The following EXOC4 variants were observed in gnomAD, a reference collection of about 807,000 sequenced individuals.
EXOC4 encodes SEC8-like 1.
Under a neutral mutation model 107.2 loss-of-function variants are expected in EXOC4, and 71 were observed. That is an observed-to-expected ratio of 0.66 (90% CI 0.55 to 0.81). EXOC4 has a LOEUF of 0.81. Ranked by LOEUF, EXOC4 falls within the 30% of genes least tolerant of loss-of-function variation. The probability of loss-of-function intolerance (pLI) is 0.00; values close to 1 mark genes in which losing one functional copy is unlikely to be tolerated. For synonymous variants in EXOC4, 456 were observed against 441.2 expected (o/e 1.03, Z -0.42); for missense variants, 1,108 against 1,189.6 (o/e 0.93, Z 1.01).
chr7:133,456,730 A>G (rs571961612), intron 7 of EXOC4, among the ~76,000 whole-genome samples: 13 of 152,294 alleles, frequency 8.5e-5, no homozygotes, highest in South Asian at 2.1e-4. Flanking sequence ...GATGAAGGAC[A>G]TGATAGGTGG....
chr7:133,684,560 C>A (rs1794254647), intron 10 of EXOC4, among the ~76,000 whole-genome samples: 1 of 152,032 alleles, frequency 6.6e-6, no homozygotes, highest in Non-Finnish European at 1.5e-5. Flanking sequence ...GAAAGGACCC[C>A]ATAAAAAGAA....
intron 13 of EXOC4, among the ~76,000 whole-genome samples, chr7:133,935,703 T>G (rs866935069): frequency 5.3e-5 from 8 of 152,198 alleles, no homozygotes; most frequent in Admixed American, 2.6e-4. Context: ...CACTGTGTTA[T>G]GCACTTAAAA....
In EXOC4 at chr7:133,337,403, CT is replaced by C. The variant is rs1217812436; in HGVS notation, c.764-18920del. Among the ~76,000 whole-genome samples, 9 of 152,150 alleles carry C rather than the reference CT, an allele frequency of 5.9e-5. No homozygotes were observed. In the South Asian group the frequency reaches 1.7e-3, roughly 28 times the overall value. ...TGTTTGGTACTGTTCAACATTTTCA[CT>C]TTTTTTCTTATAATTTTTTCTGTGT... On this transcript the variant is annotated intron_variant, in intron 5 of 17. Coordinates refer to ENST00000253861, the MANE Select transcript of EXOC4 (RefSeq NM_021807.4).
chr7:133,481,051 AAAAAAG>A (rs1265493095), intron 9 of EXOC4: 15 of 80,256 alleles, frequency 1.9e-4, no homozygotes, highest in African/African-American at 5.3e-4. Flanking sequence ...CCATGTCTCA[AAAAAAG>A]AAAAAAAAAA....
chr7:133,858,111 G>C (rs1798457173), intron 11 of EXOC4, among the ~76,000 whole-genome samples: 1 of 152,194 alleles, frequency 6.6e-6, no homozygotes, highest in Non-Finnish European at 1.5e-5. Context: ...ATCGTCCGCA[G>C]CTCAAGGAGC....
chr7:133,870,467 T>C (rs1477149312), intron 11 of EXOC4, among the ~76,000 whole-genome samples: 1 of 152,240 alleles, frequency 6.6e-6, no homozygotes, highest in African/African-American at 2.4e-5. Flanking sequence ...GAGCTGTCTG[T>C]GCAAATTTTT....
rs1018943703 is a variant in EXOC4 at position 134,065,094 on chromosome 7, T to C, written c.*566T>C. ...AAACTTCCCTAACCAAAACAGAACC[T>C]CTAATTTAGGGCTAGGAATAGAAGT... On this transcript the variant is annotated 3_prime_UTR_variant, in exon 18 of 18. Coordinates refer to ENST00000253861, the MANE Select transcript of EXOC4 (RefSeq NM_021807.4). The C allele has an allele frequency of 3.9e-5, 6 of 152,554 alleles. No individual in the cohort carries two copies. Among genetic ancestry groups the C allele is most frequent in the African/African-American group, 7.2e-5 (3 of 41,432 alleles). 9.5% of individuals were successfully genotyped at this position (152,554 alleles called of 1,614,324 possible).
At chr7:134,004,794 G>A (rs999832954) in intron 15 of EXOC4, 118 bp from the exon 16 acceptor site, 1 of 811,380 alleles carries the variant, frequency 1.2e-6, no homozygotes, top group South Asian at 1.9e-5. Context: ...GGCTATCATG[G>A]CTAGTCTTAC....
intron 11 of EXOC4, among the ~76,000 whole-genome samples, chr7:133,881,947 C>T (rs1798975044): frequency 6.6e-6 from 1 of 152,134 alleles, no homozygotes; most frequent in Admixed American, 6.5e-5. Context: ...AAAATTGAGG[C>T]TTAACCTGCA....
chr7:133,931,216 A>T (rs1236398198), intron 13 of EXOC4, among the ~76,000 whole-genome samples: 1 of 152,122 alleles, frequency 6.6e-6, no homozygotes, highest in Admixed American at 6.5e-5. Context: ...AAGGTTAATG[A>T]CCAGGGTGCC....
intron 6 of EXOC4, among the ~76,000 whole-genome samples, chr7:133,372,686 T>C (rs1796404230): frequency 6.6e-6 from 1 of 152,190 alleles, no homozygotes; most frequent in Non-Finnish European, 1.5e-5. Context: ...GGAGCCACTT[T>C]TCTGTTAAAA....
chr7:133,882,051 G>A (rs183672200), intron 11 of EXOC4, among the ~76,000 whole-genome samples: 47 of 152,082 alleles, frequency 3.1e-4, no homozygotes, highest in Non-Finnish European at 5.9e-4. Flanking sequence ...TTGTCTCACC[G>A]TGTATTAGCT....
chr7:133,565,125 A>T (rs1245381244), intron 9 of EXOC4, among the ~76,000 whole-genome samples: 1 of 152,204 alleles, frequency 6.6e-6, no homozygotes, highest in Non-Finnish European at 1.5e-5. Flanking sequence ...GGCAAAATGG[A>T]TTGAGGTTCA....
At chr7:133,657,888 G>T (rs78716890) in intron 10 of EXOC4, among the ~76,000 whole-genome samples, 3,527 of 152,256 alleles carry the variant, frequency 0.023, 71 homozygotes, top group Non-Finnish European at 0.032. Context: ...AACACCCATT[G>T]TGTGGTTGGC....
intron 10 of EXOC4, among the ~76,000 whole-genome samples, chr7:133,710,383 G>A (rs765172597): frequency 2.6e-5 from 4 of 152,184 alleles, no homozygotes; most frequent in South Asian, 2.1e-4. Context: ...AGTTGCGGCC[G>A]GGCGCGGTGG....
chr7:133,937,776 C>T (rs979017713), intron 13 of EXOC4, 115 bp from the exon 14 acceptor site: 43 of 919,150 alleles, frequency 4.7e-5, no homozygotes, highest in Admixed American at 9.0e-5. Context: ...AAAAAGAGCA[C>T]GCTGTAAAAT....
chr7:133,779,003 T>C (rs959118953), intron 10 of EXOC4, among the ~76,000 whole-genome samples: 2 of 152,212 alleles, frequency 1.3e-5, no homozygotes, highest in African/African-American at 2.4e-5. Context: ...TCAAACATCC[T>C]TATGATCTCT....
In EXOC4 at chr7:133,562,357, A is replaced by T. The variant is rs189805684; in HGVS notation, c.1418-67688A>T. The stretch of plus-strand genomic sequence containing the variant: ...GCCTGACCTCTGGATTAGGGTTCTC[A>T]TGGTGTTGCTCTGGTTCCTGGTTTC... On this transcript the variant is annotated intron_variant, in intron 9 of 17. Transcript: ENST00000253861. Among the ~76,000 whole-genome samples, 202 of 152,228 alleles carry T rather than the reference A, an allele frequency of 1.3e-3. 1 individual carries two copies. Among genetic ancestry groups the T allele is most frequent in the East Asian group, 4.1e-3 (21 of 5,158 alleles).
intron 9 of EXOC4, among the ~76,000 whole-genome samples, chr7:133,483,633 G>T (rs915448187): frequency 1.3e-5 from 2 of 152,202 alleles, no homozygotes; most frequent in African/African-American, 4.8e-5. Context: ...ACCACATTAT[G>T]TTCCTAATAA....
Sources: allele counts gnomAD v4.1 joint callset (sites outside exome capture counted in the v4.1 genomes callset), GRCh38; gene constraint gnomAD v4.1.1; transcripts MANE v1.5; gene names NCBI Gene and HGNC (gene_info 2026-07-23, HGNC 2026-07-21).